The following OR51C1 variants were observed in gnomAD, a reference collection of about 807,000 sequenced individuals.
OR51C1 encodes olfactory receptor family 51 subfamily C member 1, also known as olfactory receptor OR51C1.
chr11:4,696,836 T>C, the OR51C1 span, among the ~76,000 whole-genome samples: 1 of 152,200 alleles, frequency 6.6e-6, no homozygotes, highest in Non-Finnish European at 1.5e-5. Context: ...CTAGACCTTA[T>C]AGTGTCATCA....
At chr11:4,693,072 A>T in the OR51C1 span, among the ~76,000 whole-genome samples, 4 of 152,186 alleles carry the variant, frequency 2.6e-5, no homozygotes, top group African/African-American at 9.7e-5. Context: ...AATGTATAGT[A>T]TATTTCAAAA....
At chr11:4,691,042 C>T in the OR51C1 span, 1 of 456,510 alleles carries the variant, frequency 2.2e-6, no homozygotes, top group Non-Finnish European at 4.4e-6. Context: ...ATGATCAAAA[C>T]ATAAGAAAGG....
the OR51C1 span, among the ~76,000 whole-genome samples, chr11:4,696,529 T>C: frequency 6.6e-6 from 1 of 152,202 alleles, no homozygotes; most frequent in Non-Finnish European, 1.5e-5. Flanking sequence ...AGCTATTATT[T>C]CATTGCATTT....
chr11:4,697,640 C>T, the OR51C1 span: 1 of 152,620 alleles, frequency 6.6e-6, no homozygotes, highest in African/African-American at 2.4e-5. Context: ...TTGAACAAAA[C>T]AGTTTTACTT....
the OR51C1 span, chr11:4,692,252 G>T: frequency 5.3e-6 from 2 of 374,378 alleles, no homozygotes; most frequent in South Asian, 2.1e-5. Flanking sequence ...GTAACACATA[G>T]GAAGTGACAA....
the OR51C1 span, chr11:4,691,486 G>A: frequency 2.0e-5 from 9 of 456,478 alleles, no homozygotes; most frequent in South Asian, 1.4e-4. Flanking sequence ...GACAGGCCGA[G>A]GTCAGTGGCG....
At chr11:4,691,287 G>T in the OR51C1 span, 26 of 457,110 alleles carry the variant, frequency 5.7e-5, no homozygotes, top group Non-Finnish European at 1.1e-4. Flanking sequence ...TCTGGAGTCA[G>T]TTAAAATCAT....
the OR51C1 span, among the ~76,000 whole-genome samples, chr11:4,691,997 A>G: frequency 2.6e-5 from 4 of 152,214 alleles, no homozygotes; most frequent in Non-Finnish European, 5.9e-5. Context: ...TTCTAGCCAT[A>G]GATAACCAAA....
At chr11:4,696,262 C>T in the OR51C1 span, among the ~76,000 whole-genome samples, 1 of 152,126 alleles carries the variant, frequency 6.6e-6, no homozygotes, top group Non-Finnish European at 1.5e-5. Flanking sequence ...CTCATTCTCT[C>T]GTCCCCTCCA....
the OR51C1 span, chr11:4,697,711 CT>C: frequency 1.3e-5 from 2 of 152,668 alleles, no homozygotes; most frequent in Non-Finnish European, 2.9e-5. Flanking sequence ...GCTGAGGAGG[CT>C]TTAGATTCCA....
the OR51C1 span, chr11:4,691,483 C>T: frequency 1.8e-5 from 8 of 456,038 alleles, no homozygotes; most frequent in Non-Finnish European, 2.7e-5. Flanking sequence ...ATGGACAGGC[C>T]GAGGTCAGTG....
the OR51C1 span, among the ~76,000 whole-genome samples, chr11:4,694,252 A>T: frequency 6.6e-6 from 1 of 152,068 alleles, no homozygotes; most frequent in African/African-American, 2.4e-5. Flanking sequence ...AACAAAAGAA[A>T]ACCATAGTGT....
the OR51C1 span, among the ~76,000 whole-genome samples, chr11:4,696,083 G>A: frequency 1.3e-5 from 2 of 152,174 alleles, no homozygotes; most frequent in Non-Finnish European, 2.9e-5. Flanking sequence ...AAAATACAGT[G>A]AAGCAATCAA....
At chr11:4,692,610 T>C in the OR51C1 span, among the ~76,000 whole-genome samples, 1 of 152,052 alleles carries the variant, frequency 6.6e-6, no homozygotes, top group Non-Finnish European at 1.5e-5. Flanking sequence ...GATAGATGGG[T>C]ATGGTTGAGT....
chr11:4,694,338 T>A, the OR51C1 span, among the ~76,000 whole-genome samples: 2 of 151,912 alleles, frequency 1.3e-5, no homozygotes, highest in African/African-American at 2.4e-5. Flanking sequence ...TTTACAAGCA[T>A]ATCTTCCTGC....
the OR51C1 span, among the ~76,000 whole-genome samples, chr11:4,694,488 G>GTATA: frequency 2.1e-5 from 3 of 142,000 alleles, no homozygotes; most frequent in Admixed American, 7.2e-5. Flanking sequence ...ATATATACGT[G>GTATA]TATATATATA....
chr11:4,697,069 T>C, the OR51C1 span, among the ~76,000 whole-genome samples: 2 of 152,228 alleles, frequency 1.3e-5, no homozygotes, highest in South Asian at 4.1e-4. Context: ...ATGTGACAAG[T>C]ATTATTAGAT....
the OR51C1 span, among the ~76,000 whole-genome samples, chr11:4,693,274 A>G: frequency 6.6e-6 from 1 of 152,240 alleles, no homozygotes; most frequent in Non-Finnish European, 1.5e-5. Context: ...TTGAAAAACC[A>G]AAACACACTA....
chr11:4,691,619 C>T, the OR51C1 span: 1 of 449,950 alleles, frequency 2.2e-6, no homozygotes, highest in Non-Finnish European at 4.5e-6. Flanking sequence ...GAATGGAGAT[C>T]CAGGTGTGGA....
Sources: allele counts gnomAD v4.1 joint callset (sites outside exome capture counted in the v4.1 genomes callset), GRCh38; gene constraint gnomAD v4.1.1; transcripts MANE v1.5; gene names NCBI Gene and HGNC (gene_info 2026-07-23, HGNC 2026-07-21).